The following KCNQ1 variants were observed in gnomAD, a reference collection of about 807,000 sequenced individuals.
KCNQ1 encodes the protein potassium voltage-gated channel subfamily Q member 1.
KCNQ1 carries 49 observed loss-of-function variants against 72.4 expected under a neutral mutation model. The observed-to-expected ratio is 0.68, with a 90% CI of 0.54 to 0.86. The LOEUF (loss-of-function observed/expected upper bound fraction) is 0.86. Among genes scored for constraint, KCNQ1 ranks in the 40% least tolerant of loss-of-function variants. The probability of loss-of-function intolerance (pLI) is 0.00; values close to 1 mark genes in which losing one functional copy is unlikely to be tolerated. For synonymous variants in KCNQ1, 450 were observed against 412.6 expected (o/e 1.09, Z -1.10); for missense variants, 790 against 945.1 (o/e 0.84, Z 2.15).
At chr11:2,667,255 A>G (rs922597693) in intron 11 of KCNQ1, 18 of 398,514 alleles carry the variant, frequency 4.5e-5, no homozygotes, top group African/African-American at 3.7e-4. Context: ...CACGTGAGGA[A>G]GAAGCGGCTG....
chr11:2,778,928 C>T (rs1389934609), intron 15 of KCNQ1, among the ~76,000 whole-genome samples: 1 of 152,028 alleles, frequency 6.6e-6, no homozygotes, highest in Non-Finnish European at 1.5e-5. Context: ...CCCGTCCTGG[C>T]CCCCAGGACC....
intron 10 of KCNQ1, chr11:2,640,930 A>G (rs1849566723): frequency 2.5e-6 from 1 of 399,140 alleles, no homozygotes. Context: ...TAAGATAATT[A>G]TCTTTCTGTG....
At position 2,703,543 on chromosome 11, in the gene KCNQ1, C is replaced by G. The variant is rs1850856070; in HGVS notation, c.1514+41462C>G. 6.6e-6 allele frequency among the ~76,000 whole-genome samples: 1 copy of G among 152,230 alleles called. No individual in the cohort carries two copies. The highest frequency in any genetic ancestry group is 1.5e-5 in the Non-Finnish European group (1 of 68,052). ...AAGAGAATTAGGCTCAAAACGTCCA[C>G]TCGGCTTTTCTCTTGATTCCAAGGT... On this transcript the variant is annotated intron_variant, in intron 11 of 15. Transcript: ENST00000155840. This position sits in a 1 kb window ranked among gnomAD's most constrained non-coding sequence, Gnocchi z 6.4.
chr11:2,767,227 T>G lies in KCNQ1; in HGVS notation c.1515-1617T>G, dbSNP rs1846515717. Among the ~76,000 whole-genome samples, 2 of 152,066 alleles carry G rather than the reference T, an allele frequency of 1.3e-5. No individual in the cohort carries two copies. Among genetic ancestry groups the G allele is most frequent in the Non-Finnish European group, 2.9e-5 (2 of 67,988 alleles). On this transcript the variant is annotated intron_variant, in intron 11 of 15. Transcript: ENST00000155840. The surrounding 1 kb of genome is among the most constrained non-coding windows in gnomAD (Gnocchi z 4.6). ...GCTTAGCTAGGAGGTTGGACTTGGT[T>G]CAGCTAGGAGGTTGTTCTGTTGGTG... is the stretch of plus-strand genomic sequence containing the variant.
Position 2,488,989 on chromosome 11 carries a change from G to A in KCNQ1, c.387-38939G>A, listed in dbSNP as rs1360319259. Among the ~76,000 whole-genome samples, 2 of 152,258 alleles carry A rather than the reference G, an allele frequency of 1.3e-5. No homozygotes were observed. Among genetic ancestry groups the A allele is most frequent in the Admixed American group, 6.5e-5 (1 of 15,300 alleles). ...ATGTAACAATTTATAGGGAGGGAGT[G>A]GAGCAAGATGGCCAAATAGAAGCCT... is the stretch of plus-strand genomic sequence containing the variant. On this transcript the variant is annotated intron_variant, in intron 1 of 15. Transcript: ENST00000155840. This position sits in a 1 kb window ranked among gnomAD's most constrained non-coding sequence, Gnocchi z 5.1.
At position 2,592,817 on chromosome 11, in the gene KCNQ1, C is replaced by T. The variant is rs1238389532; in HGVS notation, c.1393+3963C>T. Among the ~76,000 whole-genome samples the T allele has an allele frequency of 1.3e-5, 2 of 152,202 alleles. No homozygotes were observed. Among genetic ancestry groups the T allele is most frequent in the Admixed American group, 1.3e-4 (2 of 15,284 alleles). ...GGGCAGACACACAGGCAGCCTCCTG[C>T]CCAGAGGGTCCAAGCGGGCATGGCC... is the stretch of plus-strand genomic sequence containing the variant. On this transcript the variant is annotated intron_variant, in intron 10 of 15. Transcript: ENST00000155840. The surrounding 1 kb of genome is among the most constrained non-coding windows in gnomAD (Gnocchi z 5.2).
At chr11:2,799,140 C>T (rs919450625) in intron 15 of KCNQ1, among the ~76,000 whole-genome samples, 2 of 152,180 alleles carry the variant, frequency 1.3e-5, no homozygotes, top group East Asian at 3.8e-4. Flanking sequence ...GGGACAGGCA[C>T]GTGCCTGGAA....
rs1001438169 is a variant in KCNQ1, at chr11:2,710,329, T to G, written c.1514+48248T>G. 1.3e-5 allele frequency among the ~76,000 whole-genome samples: 2 copies of G among 152,246 alleles called. No individual in the cohort carries two copies. Among genetic ancestry groups the G allele is most frequent in the African/African-American group, 4.8e-5 (2 of 41,464 alleles). On this transcript the variant is annotated intron_variant, in intron 11 of 15. Coordinates refer to ENST00000155840, the MANE Select transcript of KCNQ1 (RefSeq NM_000218.3). The surrounding 1 kb of genome is among the most constrained non-coding windows in gnomAD (Gnocchi z 4.1). ...TGCCCAAATTTTAATTGGGTTGTGTTTTTATTATTTAGTAGAGTTCTTTAT... is the reference window on the plus strand; with the variant it reads ...TGCCCAAATTTTAATTGGGTTGTGTGTTTATTATTTAGTAGAGTTCTTTAT...
intron 10 of KCNQ1, among the ~76,000 whole-genome samples, chr11:2,606,692 T>C (rs1211958726): frequency 6.6e-6 from 1 of 152,138 alleles, no homozygotes. Context: ...AACACAAAAC[T>C]GGACCAGCAC....
rs1259031020 is a variant in KCNQ1, at chr11:2,784,267, A to C, written c.1794+6230A>C. ...CCAGAACATTTGTTGAAAATACCCCATTTCCTCCTTTGAATTATCATGGCT... is the reference window on the plus strand; with the variant it reads ...CCAGAACATTTGTTGAAAATACCCCCTTTCCTCCTTTGAATTATCATGGCT... On this transcript the variant is annotated intron_variant, in intron 15 of 15. Transcript: ENST00000155840. This position sits in a 1 kb window ranked among gnomAD's most constrained non-coding sequence, Gnocchi z 4.7. 6.6e-6 allele frequency among the ~76,000 whole-genome samples: 1 copy of C among 151,932 alleles called. No individual in the cohort carries two copies. Among genetic ancestry groups the C allele is most frequent in the African/African-American group, 2.4e-5 (1 of 41,452 alleles).
intron 11 of KCNQ1, chr11:2,662,669 C>T (rs888444744): frequency 3.0e-5 from 12 of 405,076 alleles, no homozygotes; most frequent in Admixed American, 1.2e-4. Flanking sequence ...CATGTGACTC[C>T]CCGCTGGGGT....
rs942041220 is a variant in KCNQ1 at position 2,446,892 on chromosome 11, C to T, written c.386+1408C>T. 1.3e-5 allele frequency among the ~76,000 whole-genome samples: 2 copies of T among 152,200 alleles called. No homozygotes were observed. The highest frequency in any genetic ancestry group is 2.9e-5 in the Non-Finnish European group (2 of 68,044). On this transcript the variant is annotated intron_variant, in intron 1 of 15. Transcript: ENST00000155840. This position sits in a 1 kb window ranked among gnomAD's most constrained non-coding sequence, Gnocchi z 8.8. Reference sequence around the variant, plus strand: ...TTTGGGAGATATTTGTGTGCAGTGACCCCAGGGGAACCCAGTCCGATGCCA... The same window carrying T: ...TTTGGGAGATATTTGTGTGCAGTGATCCCAGGGGAACCCAGTCCGATGCCA...
chr11:2,726,231 C>T (rs1020044932), intron 11 of KCNQ1, among the ~76,000 whole-genome samples: 2 of 152,206 alleles, frequency 1.3e-5, no homozygotes, highest in African/African-American at 2.4e-5. Context: ...AAGCTGAGCT[C>T]GCTCACGAGA....
intron 10 of KCNQ1, chr11:2,622,968 T>C: frequency 2.5e-6 from 1 of 398,672 alleles, no homozygotes; most frequent in Non-Finnish European, 4.4e-6. Flanking sequence ...CATGTTGATA[T>C]GGTTTGGCTC....
chr11:2,721,083 T>A (rs1044080365), intron 11 of KCNQ1, among the ~76,000 whole-genome samples: 3 of 152,114 alleles, frequency 2.0e-5, no homozygotes, highest in Non-Finnish European at 1.5e-5. Context: ...GTAAAGAGTT[T>A]CTAAAAGGTG....
chr11:2,823,122 C>A (rs1000354591), intron 15 of KCNQ1, among the ~76,000 whole-genome samples: 4 of 152,022 alleles, frequency 2.6e-5, no homozygotes, highest in African/African-American at 7.3e-5. Context: ...GAACCTCTAG[C>A]AGAAAAGAGC....
At chr11:2,485,628 A>G (rs1470609388) in intron 1 of KCNQ1, among the ~76,000 whole-genome samples, 1 of 151,946 alleles carries the variant, frequency 6.6e-6, no homozygotes, top group Non-Finnish European at 1.5e-5. Context: ...ACCACCATCC[A>G]TTTCTAGAAT....
Position 2,620,582 on chromosome 11 carries a change from A to G in KCNQ1, c.1393+31728A>G, listed in dbSNP as rs568745041. The G allele has an allele frequency of 4.8e-5, 19 of 397,228 alleles. No individual in the cohort carries two copies. The South Asian group carries it at 5.7e-4, about 12-fold the overall frequency. 24.6% of individuals were successfully genotyped at this position (397,228 alleles called of 1,614,324 possible). On this transcript the variant is annotated intron_variant, in intron 10 of 15. Transcript: ENST00000155840. This position sits in a 1 kb window ranked among gnomAD's most constrained non-coding sequence, Gnocchi z 4.5. Reference sequence around the variant, plus strand: ...ACATGTACCACATTTTCTTTATCCAATCCACCACTGATGGGCATCTAAGTG... The same window carrying G: ...ACATGTACCACATTTTCTTTATCCAGTCCACCACTGATGGGCATCTAAGTG...
At chr11:2,733,857 C>CTCTCTCTCTCTCTCTCTCCCT (rs147278439) in intron 11 of KCNQ1, among the ~76,000 whole-genome samples, 1 of 76,316 alleles carries the variant, frequency 1.3e-5, no homozygotes, top group African/African-American at 6.1e-5. Flanking sequence ...CTCTCTCTCT[C>CTCTCTCTCTCTCTCTCTCCCT]CCCCCCCACT....
Sources: gnomAD v4.1 joint callset for allele counts (sites outside exome capture counted in the v4.1 genomes callset) on GRCh38, gnomAD v4.1.1 for gene constraint, Gnocchi (gnomAD v3.1) non-coding constraint, MANE v1.5 for transcripts, NCBI Gene and HGNC (gene_info 2026-07-23, HGNC 2026-07-21) for gene names.